Variants in CAMTA1 observed in about 807,000 individuals in gnomAD.
CAMTA1 encodes the protein calmodulin-binding transcription activator 1.
In CAMTA1, 27 loss-of-function variants were observed where a neutral mutation model predicts 170.9. The observed-to-expected ratio is 0.16, with a 90% CI of 0.12 to 0.22. The LOEUF (loss-of-function observed/expected upper bound fraction) is 0.22, where lower values mean the gene tolerates loss of function less well. Ranked by LOEUF, CAMTA1 falls within the 10% of genes least tolerant of loss-of-function variation. The pLI, the probability that CAMTA1 is intolerant of heterozygous loss-of-function variation, is 1.00. For missense variants in CAMTA1, 1,619 were observed against 2,217.2 expected (o/e 0.73, Z 5.42); for synonymous variants, 833 against 891.5 (o/e 0.93, Z 1.17).
chr1:7,503,395 T>C (rs1161421359), intron 6 of CAMTA1, among the ~76,000 whole-genome samples: 1 of 152,188 alleles, frequency 6.6e-6, no homozygotes, highest in Non-Finnish European at 1.5e-5. Flanking sequence ...TTCCTCGCAG[T>C]GAGCAGCCTT....
chr1:7,660,072 A>ATTTTG (rs2095941263), intron 7 of CAMTA1, among the ~76,000 whole-genome samples: 1 of 152,200 alleles, frequency 6.6e-6, no homozygotes, highest in South Asian at 2.1e-4. Flanking sequence ...TCTACAAATA[A>ATTTTG]TTTTGTTTTG....
chr1:7,723,042 T>C (rs1010729938), intron 11 of CAMTA1, among the ~76,000 whole-genome samples: 11 of 152,142 alleles, frequency 7.2e-5, no homozygotes, highest in Admixed American at 5.9e-4. Context: ...CATATATACG[T>C]ATATTTCCTA....
At chr1:6,917,307 G>A (rs1225357293) in intron 3 of CAMTA1, among the ~76,000 whole-genome samples, 1 of 152,090 alleles carries the variant, frequency 6.6e-6, no homozygotes, top group Non-Finnish European at 1.5e-5. Flanking sequence ...GCAGGGCCTG[G>A]TAAGCCGTGG....
chr1:6,921,887 C>T (rs777112725), intron 3 of CAMTA1, among the ~76,000 whole-genome samples: 39 of 152,186 alleles, frequency 2.6e-4, no homozygotes, highest in Non-Finnish European at 4.1e-4. Flanking sequence ...ATGGGAGCTA[C>T]AAGATGAGAT....
rs147490259 is a variant in CAMTA1, at chr1:7,028,774, C to T, written c.235-62530C>T. On this transcript the variant is annotated intron_variant, in intron 3 of 22. Coordinates refer to ENST00000303635, the MANE Select transcript of CAMTA1 (RefSeq NM_015215.4). ...TGCACGTGCTCAGTAAGTGTTTGGA[C>T]TGTCAGAGGTAGGTGGATAGGCAAA... Among the ~76,000 whole-genome samples, 467 of 152,304 alleles carry T rather than the reference C, an allele frequency of 3.1e-3. 2 individuals carry two copies. The highest frequency in any genetic ancestry group is 5.4e-3 in the Non-Finnish European group (367 of 68,024).
At chr1:7,378,746 G>A (rs953393260) in intron 5 of CAMTA1, among the ~76,000 whole-genome samples, 2 of 152,084 alleles carry the variant, frequency 1.3e-5, no homozygotes, top group African/African-American at 4.8e-5. Flanking sequence ...TGAATTTTAT[G>A]ATATGTGAAT....
Position 7,333,454 on chromosome 1 carries a change from C to G in CAMTA1, c.438+83828C>G, listed in dbSNP as rs1401435705. 6.6e-6 allele frequency among the ~76,000 whole-genome samples: 1 copy of G among 152,222 alleles called. No homozygotes were observed. The highest frequency in any genetic ancestry group is 1.5e-5 in the Non-Finnish European group (1 of 68,048). On this transcript the variant is annotated intron_variant, in intron 5 of 22. Coordinates refer to ENST00000303635, the MANE Select transcript of CAMTA1 (RefSeq NM_015215.4). This position sits in a 1 kb window ranked among gnomAD's most constrained non-coding sequence, Gnocchi z 4.4. ...AGGTGGAGAGAACACACCGTTCTCT[C>G]TGCTGTGAAATTCCCTTTGCACTGG...
intron 3 of CAMTA1, among the ~76,000 whole-genome samples, chr1:7,026,745 C>T (rs572824480): frequency 6.6e-6 from 1 of 151,510 alleles, no homozygotes; most frequent in African/African-American, 2.4e-5. Flanking sequence ...ATTCTTGTGC[C>T]TCAGCCTCCC....
At chr1:7,131,893 T>C (rs1308751155) in intron 4 of CAMTA1, among the ~76,000 whole-genome samples, 1 of 151,928 alleles carries the variant, frequency 6.6e-6, no homozygotes, top group Non-Finnish European at 1.5e-5. Context: ...CCACCTCTAC[T>C]AAAAATACAA....
intron 5 of CAMTA1, among the ~76,000 whole-genome samples, chr1:7,461,383 G>A (rs1350388223): frequency 1.3e-5 from 2 of 152,240 alleles, no homozygotes; most frequent in Non-Finnish European, 2.9e-5. Context: ...GGGAGCATCG[G>A]TATAACTTTC....
intron 5 of CAMTA1, among the ~76,000 whole-genome samples, chr1:7,378,810 T>C (rs1181755461): frequency 6.6e-6 from 1 of 152,092 alleles, no homozygotes; most frequent in East Asian, 1.9e-4. Context: ...CACTAAACTA[T>C]GGGGCTGGTG....
At chr1:7,131,735 A>G (rs539984190) in intron 4 of CAMTA1, among the ~76,000 whole-genome samples, 1 of 152,122 alleles carries the variant, frequency 6.6e-6, no homozygotes, top group African/African-American at 2.4e-5. Flanking sequence ...TAGCTTTACA[A>G]CATGTATTCA....
chr1:7,222,210 A>G (rs1353561146), intron 4 of CAMTA1, among the ~76,000 whole-genome samples: 1 of 152,208 alleles, frequency 6.6e-6, no homozygotes, highest in African/African-American at 2.4e-5. Context: ...AGAAAACCCC[A>G]TGAGCATTGT....
At chr1:7,266,116 T>A (rs540473524) in intron 5 of CAMTA1, among the ~76,000 whole-genome samples, 1 of 152,376 alleles carries the variant, frequency 6.6e-6, no homozygotes, top group South Asian at 2.1e-4. Flanking sequence ...AAGCCTAAAT[T>A]TGCCTTCATT....
chr1:6,849,442 G>A (rs2148788674), intron 3 of CAMTA1, among the ~76,000 whole-genome samples: 1 of 152,040 alleles, frequency 6.6e-6, no homozygotes, highest in South Asian at 2.1e-4. Context: ...AATGAGAGAG[G>A]ATGAAATGAG....
intron 5 of CAMTA1, among the ~76,000 whole-genome samples, chr1:7,362,859 G>T (rs6677597): frequency 0.2 from 31,090 of 151,688 alleles, 3,760 homozygotes; most frequent in East Asian, 0.55. Flanking sequence ...CTTGAATAGA[G>T]TGAGTGGATT....
chr1:7,332,344 T>A (rs577187040), intron 5 of CAMTA1, among the ~76,000 whole-genome samples: 3 of 152,300 alleles, frequency 2.0e-5, no homozygotes, highest in African/African-American at 7.2e-5. Context: ...ACAAAAAAAA[T>A]GGCCACATTT....
At chr1:7,667,277 T>C (rs997299120) in intron 9 of CAMTA1, among the ~76,000 whole-genome samples, 1 of 151,180 alleles carries the variant, frequency 6.6e-6, no homozygotes, top group African/African-American at 2.4e-5. Flanking sequence ...TGAAGGCCAG[T>C]TGGGCATCTT....
rs188077051 is a variant in CAMTA1 at position 7,262,153 on chromosome 1, G to A, written c.438+12527G>A. Among the ~76,000 whole-genome samples the A allele has an allele frequency of 4.9e-4, 74 of 152,226 alleles. 1 individual carries two copies. The highest frequency in any genetic ancestry group is 1.6e-3 in the African/African-American group (68 of 41,518). On this transcript the variant is annotated intron_variant, in intron 5 of 22. Transcript: ENST00000303635. Reference sequence around the variant, plus strand: ...CAAAAGAGTAAACACTGAACTGCTCGGCAATTATTTCTTACACACAGAATC... The same window carrying A: ...CAAAAGAGTAAACACTGAACTGCTCAGCAATTATTTCTTACACACAGAATC...
Sources: gnomAD v4.1 joint callset for allele counts (sites outside exome capture counted in the v4.1 genomes callset) on GRCh38, gnomAD v4.1.1 for gene constraint, Gnocchi (gnomAD v3.1) non-coding constraint, MANE v1.5 for transcripts, NCBI Gene and HGNC (gene_info 2026-07-23, HGNC 2026-07-21) for gene names.